The following HERC3 variants were observed in gnomAD, a reference collection of about 807,000 sequenced individuals.
The protein encoded by HERC3 is probable E3 ubiquitin-protein ligase HERC3.
A neutral mutation model predicts 129.9 loss-of-function variants in HERC3; 58 were observed. The ratio of observed to expected loss-of-function variants is 0.45; its 90% CI spans 0.36 to 0.56. The LOEUF (loss-of-function observed/expected upper bound fraction) is 0.56. HERC3 is among the 20% of genes least tolerant of loss of function. The pLI is 0.00. For synonymous variants in HERC3, 430 were observed against 451.0 expected (o/e 0.95, Z 0.59); for missense variants, 835 against 1,244.2 (o/e 0.67, Z 4.95).
intron 3 of HERC3, among the ~76,000 whole-genome samples, chr4:88,614,075 A>G (rs1014813158): frequency 1.5e-4 from 23 of 152,128 alleles, no homozygotes; most frequent in African/African-American, 5.3e-4. Flanking sequence ...ACTTTTAAAA[A>G]CCTGCAGTAT....
intron 19 of HERC3, 33 bp downstream of exon 19, chr4:88,678,167 T>C (rs775189021): frequency 2.5e-6 from 4 of 1,590,006 alleles, no homozygotes; most frequent in Non-Finnish European, 3.4e-6. Flanking sequence ...TCTAAATACC[T>C]TCGCAATTTT....
chr4:88,574,027 A>C, the HERC3 span, among the ~76,000 whole-genome samples: 1 of 152,208 alleles, frequency 6.6e-6, no homozygotes, highest in Non-Finnish European at 1.5e-5. Context: ...TTTCTGAGGC[A>C]GCCAGATCAC....
chr4:88,527,416 C>G, the HERC3 span: 1 of 161,364 alleles, frequency 6.2e-6, no homozygotes, highest in African/African-American at 2.4e-5. Context: ...CACCACCACA[C>G]CTGGCTAATT....
At chr4:88,568,849 C>G in the HERC3 span, among the ~76,000 whole-genome samples, 1 of 151,824 alleles carries the variant, frequency 6.6e-6, no homozygotes, top group African/African-American at 2.4e-5. Flanking sequence ...AAGACAAAGT[C>G]CTATCTACTC....
intron 23 of HERC3, among the ~76,000 whole-genome samples, chr4:88,694,426 AG>A (rs1275873253): frequency 6.6e-6 from 1 of 152,144 alleles, no homozygotes; most frequent in Admixed American, 6.5e-5. Flanking sequence ...GAAAATGTAG[AG>A]TGTGTCTTTA....
At chr4:88,537,008 TA>T in the HERC3 span, among the ~76,000 whole-genome samples, 12 of 152,198 alleles carry the variant, frequency 7.9e-5, no homozygotes, top group Non-Finnish European at 1.8e-4. Context: ...AGCTAGATTT[TA>T]AAAAACTGAC....
Position 88,707,172 on chromosome 4 carries a change from C to T in HERC3, c.*212C>T. 1.8e-6 allele frequency: 1 copy of T among 565,032 alleles called. No homozygotes were observed. Among genetic ancestry groups the T allele is most frequent in the Non-Finnish European group, 3.1e-6 (1 of 317,706 alleles). The allele number at this position is 565,032 out of a possible 1,614,324, so 35.0% of individuals were successfully genotyped here. On this transcript the variant is annotated 3_prime_UTR_variant, in exon 26 of 26. Coordinates refer to ENST00000402738, the MANE Select transcript of HERC3 (RefSeq NM_014606.3). ...GTTGGGGATGGGGTGAAAAATTGGC[C>T]CTTGTATGGGAGGTGTTTTTGTTTT...
At position 88,649,990 on chromosome 4, in the gene HERC3, C is replaced by T. The variant is rs957573028; in HGVS notation, c.377C>T (p.Ala126Val). ...CTCATGACTACTGAGGATTCTGTGGCAGTGCCCAGGTAAGAAGGTTTTCAA... is the reference window on the plus strand; with the variant it reads ...CTCATGACTACTGAGGATTCTGTGGTAGTGCCCAGGTAAGAAGGTTTTCAA... ...LGLMTTEDSVAVPRLIQKLNQ... is the reference protein window; with the variant it reads ...LGLMTTEDSVVVPRLIQKLNQ... Residue 126 changes from alanine (A) to valine (V), a missense_variant, in exon 4 of 26, where the codon GCA becomes GTA. Coordinates refer to ENST00000402738, the MANE Select transcript of HERC3 (RefSeq NM_014606.3). The T allele has an allele frequency of 1.2e-6, 2 of 1,613,722 alleles. No individual in the cohort carries two copies. The highest frequency in any genetic ancestry group is 1.3e-5 in the African/African-American group (1 of 75,040).
At chr4:88,667,023 A>G (rs1731117973) in intron 12 of HERC3, among the ~76,000 whole-genome samples, 1 of 152,188 alleles carries the variant, frequency 6.6e-6, no homozygotes, top group Admixed American at 6.6e-5. Context: ...ACAGAAAAAA[A>G]CCAAAAAACA....
chr4:88,561,483 C>T, the HERC3 span, among the ~76,000 whole-genome samples: 1 of 152,118 alleles, frequency 6.6e-6, no homozygotes, highest in Non-Finnish European at 1.5e-5. Context: ...TCCATCATCT[C>T]AAGCATTTAT....
At chr4:88,592,905 C>G (rs1327519565) in intron 1 of HERC3, among the ~76,000 whole-genome samples, 3 of 151,950 alleles carry the variant, frequency 2.0e-5, no homozygotes, top group Non-Finnish European at 4.4e-5. Flanking sequence ...CTCGGCCGCC[C>G]TCCCGCCCTG....
At chr4:88,681,003 A>G in intron 20 of HERC3, 156 bp from the exon 21 acceptor site, 1 of 982,062 alleles carries the variant, frequency 1.0e-6, no homozygotes. Flanking sequence ...AGGGATAACA[A>G]CTTTTGTCAG....
At position 88,678,042 on chromosome 4, in the gene HERC3, C is replaced by T; in HGVS notation, c.2104C>T (p.Leu702=). 6.2e-7 allele frequency: 1 copy of T among 1,614,026 alleles called. No individual in the cohort carries two copies. Among genetic ancestry groups the T allele is most frequent in the Admixed American group, 1.7e-5 (1 of 60,022 alleles). Residue 702 remains leucine, a synonymous_variant, in exon 19 of 26, where the codon CTG becomes TTG. Transcript: ENST00000402738. The stretch of plus-strand genomic sequence containing the variant: ...GCCTCTGCTGGCCAGAAGCCCCTTC[C>T]TGGTCCTTCACGTTCGCAGGAACAA... The part of the protein sequence containing the change: ...LEPLLARSPF[L]VLHVRRNNLV...
intron 15 of HERC3, 51 bp from the exon 16 acceptor site, chr4:88,670,088 A>G: frequency 1.3e-6 from 2 of 1,596,094 alleles, no homozygotes; most frequent in Non-Finnish European, 1.7e-6. Flanking sequence ...TCCTAGTGAG[A>G]TGTTCTCTGG....
chr4:88,676,532 T>A (rs1578294758), intron 18 of HERC3, 109 bp downstream of exon 18: 1 of 773,992 alleles, frequency 1.3e-6, no homozygotes, highest in East Asian at 2.6e-5. Flanking sequence ...GAAATTCCAT[T>A]GTAATTCTTA....
the HERC3 span, among the ~76,000 whole-genome samples, chr4:88,560,118 C>G: frequency 1.7e-3 from 251 of 152,046 alleles, 2 homozygotes; most frequent in Non-Finnish European, 4.6e-4. Context: ...CACCACCAAG[C>G]CTGGCTAATT....
the HERC3 span, among the ~76,000 whole-genome samples, chr4:88,543,361 G>T: frequency 6.6e-6 from 1 of 151,968 alleles, no homozygotes; most frequent in Non-Finnish European, 1.5e-5. Flanking sequence ...AAAATACCTC[G>T]GAATCAAACT....
intron 23 of HERC3, chr4:88,697,907 CT>C: frequency 1.0e-6 from 1 of 996,944 alleles, no homozygotes; most frequent in Non-Finnish European, 1.5e-6. Flanking sequence ...TTTCGCGGCA[CT>C]TGACTGGCTT....
chr4:88,572,262 A>G, the HERC3 span, among the ~76,000 whole-genome samples: 1 of 151,926 alleles, frequency 6.6e-6, no homozygotes, highest in African/African-American at 2.4e-5. Flanking sequence ...CATCTCCAAA[A>G]AAGTGTATTC....
Sources: allele counts gnomAD v4.1 joint callset (sites outside exome capture counted in the v4.1 genomes callset), GRCh38; gene constraint gnomAD v4.1.1; transcripts MANE v1.5; gene names NCBI Gene and HGNC (gene_info 2026-07-23, HGNC 2026-07-21).